OXCT1: variants seen among roughly 807,000 people sequenced by gnomAD.
OXCT1 encodes 3-oxoacid CoA-transferase 1.
OXCT1 carries 27 observed loss-of-function variants against 69.6 expected under a neutral mutation model. The ratio of observed to expected loss-of-function variants is 0.39; its 90% confidence interval spans 0.29 to 0.54. OXCT1 has a LOEUF of 0.54. OXCT1 is among the 20% of genes least tolerant of loss of function. The pLI, the probability that OXCT1 is intolerant of heterozygous loss-of-function variation, is 0.72. For missense variants in OXCT1, 437 were observed against 650.2 expected (o/e 0.67, Z 3.57); for synonymous variants, 202 against 217.8 (o/e 0.93, Z 0.64).
chr5:41,732,543 A>C (rs553739418), intron 16 of OXCT1, among the ~76,000 whole-genome samples: 1 of 152,296 alleles, frequency 6.6e-6, no homozygotes, highest in East Asian at 1.9e-4. Context: ...CAGATTCCTT[A>C]ATTCAACATG....
rs760715375 is a variant in OXCT1 at position 41,870,366 on chromosome 5, C to T, written c.-8G>A. On this transcript the variant is annotated 5_prime_UTR_variant, in exon 1 of 17. Coordinates refer to ENST00000196371, the MANE Select transcript of OXCT1 (RefSeq NM_000436.4). The surrounding 1 kb of genome is among the most constrained non-coding windows in gnomAD (Gnocchi z 4.2). ...GAGTTTGAGAGCCGCCATCTTCGGG[C>T]GGTGAGGCAGGAGGAGGCTGCGGGT... 17 of 1,611,512 alleles carry T rather than the reference C, an allele frequency of 1.1e-5. No individual in the cohort carries two copies. Among genetic ancestry groups the T allele is most frequent in the Non-Finnish European group, 1.3e-5 (15 of 1,178,706 alleles).
chr5:41,777,465 A>G (rs1745186015), intron 13 of OXCT1, among the ~76,000 whole-genome samples: 1 of 152,230 alleles, frequency 6.6e-6, no homozygotes, highest in Admixed American at 6.5e-5. Flanking sequence ...CTGAAGTCAC[A>G]GAACAAGTCA....
At chr5:41,849,943 A>C in intron 5 of OXCT1, 87 bp downstream of exon 5, 1 of 1,350,430 alleles carries the variant, frequency 7.4e-7, no homozygotes, top group East Asian at 2.3e-5. Flanking sequence ...CATAGAGGTG[A>C]TTTTATACTT....
At chr5:41,828,513 C>A (rs145603842) in intron 7 of OXCT1, among the ~76,000 whole-genome samples, 30 of 152,146 alleles carry the variant, frequency 2.0e-4, no homozygotes, top group South Asian at 6.2e-4. Flanking sequence ...AAAATGAGTC[C>A]ATCAATATGT....
intron 14 of OXCT1, among the ~76,000 whole-genome samples, chr5:41,754,033 A>G (rs1368078899): frequency 6.6e-6 from 1 of 152,158 alleles, no homozygotes; most frequent in Non-Finnish European, 1.5e-5. Flanking sequence ...ACTGTAGCCC[A>G]AAACATACAA....
chr5:41,826,702 A>T (rs1206023308), intron 7 of OXCT1, among the ~76,000 whole-genome samples: 1 of 152,142 alleles, frequency 6.6e-6, no homozygotes, highest in African/African-American at 2.4e-5. Flanking sequence ...TCCCTAAGTG[A>T]TCTTTTCCAT....
At chr5:41,809,737 C>G (rs1245347832) in intron 7 of OXCT1, among the ~76,000 whole-genome samples, 3 of 152,026 alleles carry the variant, frequency 2.0e-5, no homozygotes, top group African/African-American at 7.2e-5. Flanking sequence ...AATGTTTCAA[C>G]AGAAAACACC....
chr5:41,736,278 C>A (rs1034413690), intron 16 of OXCT1, among the ~76,000 whole-genome samples: 6 of 152,184 alleles, frequency 3.9e-5, no homozygotes, highest in African/African-American at 1.4e-4. Context: ...ATTTGCATTT[C>A]TACAACAAAA....
At chr5:41,806,500 G>A (rs1746686818) in intron 8 of OXCT1, among the ~76,000 whole-genome samples, 1 of 152,078 alleles carries the variant, frequency 6.6e-6, no homozygotes, top group Non-Finnish European at 1.5e-5. Flanking sequence ...AGTGGGAAGT[G>A]TTGGATCATG....
At chr5:41,774,224 T>A (rs530735983) in intron 13 of OXCT1, among the ~76,000 whole-genome samples, 1 of 152,350 alleles carries the variant, frequency 6.6e-6, no homozygotes, top group South Asian at 2.1e-4. Context: ...AGTTACTTTT[T>A]TCCTCTATCC....
intron 13 of OXCT1, among the ~76,000 whole-genome samples, chr5:41,766,911 C>T (rs540074847): frequency 6.6e-6 from 1 of 152,160 alleles, no homozygotes; most frequent in African/African-American, 2.4e-5. Context: ...AGGGAAAGAT[C>T]ATTGTAGAAT....
intron 2 of OXCT1, among the ~76,000 whole-genome samples, 194 bp from the exon 3 acceptor site, chr5:41,861,598 T>C (rs1226294545): frequency 6.6e-6 from 1 of 152,228 alleles, no homozygotes; most frequent in Non-Finnish European, 1.5e-5. Flanking sequence ...CACCATTATA[T>C]CACATATCAC....
intron 3 of OXCT1, among the ~76,000 whole-genome samples, chr5:41,854,803 A>G (rs998141811): frequency 2.0e-5 from 3 of 152,232 alleles, no homozygotes; most frequent in African/African-American, 7.2e-5. Flanking sequence ...CAAAGATGTG[A>G]AACAATCAGA....
At chr5:41,752,589 C>T (rs1388899354) in intron 14 of OXCT1, among the ~76,000 whole-genome samples, 2 of 151,908 alleles carry the variant, frequency 1.3e-5, no homozygotes, top group Non-Finnish European at 2.9e-5. Flanking sequence ...CCTATTTCTA[C>T]AAAAATTTTA....
Position 41,762,271 on chromosome 5 carries a change from C to T in OXCT1, c.1249-71G>A, listed in dbSNP as rs1744388116. On this transcript the variant is annotated intron_variant, in intron 13 of 16. Coordinates refer to ENST00000196371, the MANE Select transcript of OXCT1 (RefSeq NM_000436.4). The surrounding 1 kb of genome is among the most constrained non-coding windows in gnomAD (Gnocchi z 4.0). ...TATGTGACAGAACAAAATTAACTTG[C>T]AAAAATAAGCTACTAGAATCATTAA... 1.7e-6 allele frequency: 2 copies of T among 1,153,336 alleles called. No homozygotes were observed. Among genetic ancestry groups the T allele is most frequent in the Admixed American group, 3.4e-5 (2 of 59,238 alleles). 71.4% of individuals were successfully genotyped at this position (1,153,336 alleles called of 1,614,324 possible). A position where few individuals can be genotyped will look rare whatever the true frequency, so the allele number is the denominator to read the frequency against.
chr5:41,743,345 ATTTG>A (rs1346247991), intron 15 of OXCT1, among the ~76,000 whole-genome samples: 1 of 151,994 alleles, frequency 6.6e-6, no homozygotes, highest in African/African-American at 2.4e-5. Flanking sequence ...TTTCTTGTAA[ATTTG>A]TTTGGGTTCT....
At chr5:41,853,228 T>G (rs1446212182) in intron 4 of OXCT1, among the ~76,000 whole-genome samples, 191 bp downstream of exon 4, 1 of 152,188 alleles carries the variant, frequency 6.6e-6, no homozygotes, top group African/African-American at 2.4e-5. Flanking sequence ...AAATATCTCT[T>G]TTTTCAGTAC....
At chr5:41,789,322 AAC>A (rs1397405548) in intron 13 of OXCT1, among the ~76,000 whole-genome samples, 1 of 152,220 alleles carries the variant, frequency 6.6e-6, no homozygotes, top group African/African-American at 2.4e-5. Flanking sequence ...TGGTACATGC[AAC>A]ACAGTTTGCT....
In OXCT1 at chr5:41,850,026, T is replaced by C. The variant is rs552141423; in HGVS notation, c.564+4A>G. 483 of 1,613,626 alleles carry C rather than the reference T, an allele frequency of 3.0e-4. 3 individuals are homozygous for C. In the South Asian group the frequency reaches 5.1e-3, roughly 17 times the overall value. The stretch of plus-strand genomic sequence containing the variant: ...GGTATAATCTGGTTAAGAGTGTTTC[T>C]TACCTCTCTTGGCTTACTGGCAATG... On this transcript the variant is annotated splice_donor_region_variant and intron_variant, in intron 5 of 16. Transcript: ENST00000196371.
Sources: gnomAD v4.1 joint callset for allele counts (sites outside exome capture counted in the v4.1 genomes callset) on GRCh38, gnomAD v4.1.1 for gene constraint, Gnocchi (gnomAD v3.1) non-coding constraint, MANE v1.5 for transcripts, NCBI Gene and HGNC (gene_info 2026-07-23, HGNC 2026-07-21) for gene names.